Variants in PCDHGA2 observed in about 807,000 individuals in gnomAD.
PCDHGA2 encodes protocadherin gamma-A2.
PCDHGA2 carries 40 observed loss-of-function variants against 59.2 expected under a neutral mutation model. The ratio of observed to expected loss-of-function variants is 0.68; its 90% CI spans 0.52 to 0.88. The LOEUF is 0.88. Among genes scored for constraint, PCDHGA2 ranks in the 40% least tolerant of loss-of-function variants. PCDHGA2 has a pLI of 0.00. For synonymous variants in PCDHGA2, 560 were observed against 526.0 expected, an observed-to-expected ratio of 1.06 and a Z score of -0.89; for missense variants, 1,226 against 1,204.0, an observed-to-expected ratio of 1.02 and a Z score of -0.27.
chr5:141,341,333 A>G lies in PCDHGA2; in HGVS notation c.2362A>G (p.Lys788Glu), dbSNP rs756112693. ...CATCAGCCAGGAGAGCTGTGAGAAA[A>G]AGGATTTTTTATCAGCGCCTCAATC... ...TLISQESCEKKDFLSAPQSLL... is the reference protein window; with the variant it reads ...TLISQESCEKEDFLSAPQSLL... Residue 788 changes from lysine to glutamate, a missense_variant, in exon 1 of 4, where the codon AAG (lysine) becomes GAG (glutamate). Transcript: ENST00000394576. The G allele has an allele frequency of 1.9e-6, 3 of 1,614,258 alleles. No individual in the cohort carries two copies. The Admixed American group carries it at 5.0e-5, about 27-fold the overall frequency.
chr5:141,362,277 C>CAAT (rs770934690), intron 1 of PCDHGA2: 12 of 1,614,048 alleles, frequency 7.4e-6, no homozygotes, highest in Non-Finnish European at 9.3e-6. Flanking sequence ...TCTCCCTGCG[C>CAAT]CTGCGACTCT....
At chr5:141,393,890 T>C (rs1207998765) in intron 1 of PCDHGA2, 2 of 1,613,958 alleles carry the variant, frequency 1.2e-6, no homozygotes, top group South Asian at 2.2e-5. Flanking sequence ...TGTTAGAAAA[T>C]TCTCTTCCCG....
At chr5:141,362,726 A>T (rs1762654584) in intron 1 of PCDHGA2, 1 of 822,880 alleles carries the variant, frequency 1.2e-6, no homozygotes, top group Admixed American at 3.0e-5. Flanking sequence ...CTGAAGTGTG[A>T]GATTTATTTA....
At chr5:141,455,282 A>C (rs1307886349) in intron 1 of PCDHGA2, among the ~76,000 whole-genome samples, 1 of 152,056 alleles carries the variant, frequency 6.6e-6, no homozygotes, top group Non-Finnish European at 1.5e-5. Flanking sequence ...TATTAACATC[A>C]CTTTACATAG....
chr5:141,500,173 T>G (rs1666567886), intron 2 of PCDHGA2, among the ~76,000 whole-genome samples: 1 of 149,340 alleles, frequency 6.7e-6, no homozygotes, highest in East Asian at 1.9e-4. Context: ...ATGCATGAGC[T>G]TCATTTTTAT....
intron 2 of PCDHGA2, among the ~76,000 whole-genome samples, chr5:141,504,179 A>C (rs1247627456): frequency 6.6e-6 from 1 of 152,240 alleles, no homozygotes; most frequent in Non-Finnish European, 1.5e-5. Context: ...AATTCAAAAA[A>C]ATCATGAAAA....
rs1328871348 is a variant in PCDHGA2 at position 141,361,436 on chromosome 5, C to T, written c.2424+20041C>T. ...GACGGGGGCAAGCCGCCCCTCTCCTCCAGCATAATTGTCACCCTGCACATC... is the reference window on the plus strand; with the variant it reads ...GACGGGGGCAAGCCGCCCCTCTCCTTCAGCATAATTGTCACCCTGCACATC... On this transcript the variant is annotated intron_variant, in intron 1 of 3. Transcript: ENST00000394576. 5 of 1,613,930 alleles carry T rather than the reference C, an allele frequency of 3.1e-6. No individual in the cohort carries two copies. In the South Asian group the frequency reaches 5.5e-5, roughly 18 times the overall value.
chr5:141,351,907 C>T (rs1169637398), intron 1 of PCDHGA2: 6 of 1,613,396 alleles, frequency 3.7e-6, no homozygotes, highest in Non-Finnish European at 4.2e-6. Flanking sequence ...TGTTGGTGGG[C>T]GACCTCAATG....
At position 141,345,575 on chromosome 5, in the gene PCDHGA2, A is replaced by T. The variant is rs367782477; in HGVS notation, c.2424+4180A>T. ...CTATCAACTCCAACACTGGCGTCCT[A>T]TACGCGCTGAGATCCTTCGACTACG... On this transcript the variant is annotated intron_variant, in intron 1 of 3. Transcript: ENST00000394576. The T allele has an allele frequency of 2.6e-5, 42 of 1,614,176 alleles. 1 individual carries two copies. The Middle Eastern group carries it at 1.5e-3, about 57-fold the overall frequency.
At chr5:141,350,817 G>T (rs62378414) in intron 1 of PCDHGA2, 45,375 of 1,614,002 alleles carry the variant, frequency 0.028, 719 homozygotes, top group Middle Eastern at 0.09. Context: ...CCTGATGGAA[G>T]TAAATATCCG....
At position 141,431,914 on chromosome 5, in the gene PCDHGA2, C is replaced by A. The variant is rs745837291; in HGVS notation, c.2425-62893C>A. 6.2e-7 allele frequency: 1 copy of A among 1,613,912 alleles called. No individual in the cohort carries two copies. Among genetic ancestry groups the A allele is most frequent in the African/African-American group, 1.3e-5 (1 of 75,070 alleles). On this transcript the variant is annotated intron_variant, in intron 1 of 3. Transcript: ENST00000394576. The surrounding 1 kb of genome is among the most constrained non-coding windows in gnomAD (Gnocchi z 4.8). ...AGGAAAACGGACAGGTGATCTGTTT[C>A]ATCCAAGGAAATCTGCCCTTTAAAT...
intron 1 of PCDHGA2, chr5:141,389,735 G>A: frequency 6.2e-7 from 1 of 1,612,708 alleles, no homozygotes; most frequent in Non-Finnish European, 8.5e-7. Flanking sequence ...TCTTCAGCCT[G>A]GGGCTGCGCA....
At chr5:141,422,758 A>C (rs1237677806) in intron 1 of PCDHGA2, 3 of 1,613,032 alleles carry the variant, frequency 1.9e-6, no homozygotes, top group Non-Finnish European at 2.5e-6. Flanking sequence ...TATTAACTCC[A>C]ACACTGGTGT....
Position 141,367,081 on chromosome 5 carries a change from A to C in PCDHGA2, c.2424+25686A>C, listed in dbSNP as rs1480866760. On this transcript the variant is annotated intron_variant, in intron 1 of 3. Transcript: ENST00000394576. ...TTTATTTATTCAAATTGTTAGATAT[A>C]TTGTTCTCTTTTGAGTGTCTGCCTA... 5.9e-5 allele frequency: 16 copies of C among 272,890 alleles called. No individual in the cohort carries two copies. The Admixed American group carries it at 7.0e-4, about 12-fold the overall frequency. 16.9% of individuals were successfully genotyped at this position (272,890 alleles called of 1,614,324 possible).
chr5:141,389,147 G>A (rs530113846), intron 1 of PCDHGA2: 2 of 1,613,986 alleles, frequency 1.2e-6, no homozygotes, highest in South Asian at 1.1e-5. Flanking sequence ...TAACCGTTAC[G>A]GCAACAGATC....
At chr5:141,372,236 C>T (rs777727544) in intron 1 of PCDHGA2, 44 of 1,613,204 alleles carry the variant, frequency 2.7e-5, no homozygotes, top group Non-Finnish European at 3.6e-5. Flanking sequence ...CCAGCGAGCC[C>T]GGGCTGTTCA....
chr5:141,423,539 T>C (rs747825176), intron 1 of PCDHGA2: 10 of 1,613,140 alleles, frequency 6.2e-6, no homozygotes, highest in Non-Finnish European at 8.5e-6. Flanking sequence ...CACCTGATTT[T>C]CCCCCAGCCC....
chr5:141,440,578 C>T (rs2098188646), intron 1 of PCDHGA2: 1 of 152,138 alleles, frequency 6.6e-6, no homozygotes, highest in Non-Finnish European at 1.5e-5. Flanking sequence ...CTGAGTTTAC[C>T]CAGCTGGAAC....
chr5:141,450,010 T>A (rs2098664468), intron 1 of PCDHGA2, among the ~76,000 whole-genome samples: 1 of 135,330 alleles, frequency 7.4e-6, no homozygotes, highest in African/African-American at 3.3e-5. Flanking sequence ...ATGTCTCTTT[T>A]TTTTTTTTTT....
Sources: allele counts gnomAD v4.1 joint callset (sites outside exome capture counted in the v4.1 genomes callset), GRCh38; gene constraint gnomAD v4.1.1; non-coding constraint Gnocchi (gnomAD v3.1); transcripts MANE v1.5; gene names NCBI Gene and HGNC (gene_info 2026-07-23, HGNC 2026-07-21).